MIPOL1: variants seen among roughly 807,000 people sequenced by gnomAD.
MIPOL1 encodes the protein mirror-image polydactyly 1.
In MIPOL1, 57 loss-of-function variants were observed where a neutral mutation model predicts 60.9. The observed-to-expected ratio is 0.94, with a 90% CI of 0.76 to 1.17. The LOEUF (loss-of-function observed/expected upper bound fraction) is 1.17. Ranked by LOEUF, MIPOL1 falls within the 50% of genes most tolerant of loss-of-function variation. MIPOL1 has a pLI of 0.00. For synonymous variants in MIPOL1, 179 were observed against 168.8 expected (o/e 1.06, Z -0.47); for missense variants, 551 against 511.6 (o/e 1.08, Z -0.74).
chr14:37,449,869 G>A (rs1040699424), intron 11 of MIPOL1, among the ~76,000 whole-genome samples: 1 of 152,016 alleles, frequency 6.6e-6, no homozygotes, highest in East Asian at 1.9e-4. Flanking sequence ...CTGGAGTGCA[G>A]TGGTACTGTC....
At chr14:37,515,686 A>G (rs926244175) in intron 12 of MIPOL1, among the ~76,000 whole-genome samples, 2 of 152,204 alleles carry the variant, frequency 1.3e-5, no homozygotes, top group East Asian at 1.9e-4. Flanking sequence ...TGTATTTCAC[A>G]TAACGTCCAA....
At chr14:37,317,277 T>C (rs2088015274) in intron 9 of MIPOL1, among the ~76,000 whole-genome samples, 1 of 152,214 alleles carries the variant, frequency 6.6e-6, no homozygotes, top group African/African-American at 2.4e-5. Flanking sequence ...GTGGAGACAG[T>C]TTGAAATCAT....
At chr14:37,355,948 G>A (rs2153478030) in intron 9 of MIPOL1, among the ~76,000 whole-genome samples, 1 of 146,138 alleles carries the variant, frequency 6.8e-6, no homozygotes, top group Admixed American at 6.9e-5. Flanking sequence ...CGTTGCTGGT[G>A]AGGAACTGTG....
At chr14:37,309,219 C>T (rs1358495735) in intron 9 of MIPOL1, among the ~76,000 whole-genome samples, 2 of 151,930 alleles carry the variant, frequency 1.3e-5, no homozygotes, top group African/African-American at 2.4e-5. Flanking sequence ...CCTCCTCCCT[C>T]GACCTCCCAA....
chr14:37,358,901 C>A (rs138692454), intron 9 of MIPOL1, among the ~76,000 whole-genome samples: 1 of 152,244 alleles, frequency 6.6e-6, no homozygotes, highest in East Asian at 1.9e-4. Context: ...GTCATGACGT[C>A]CTTGCCCATG....
Position 37,270,456 on chromosome 14 carries a change from AG to A in MIPOL1, c.425del (p.Arg142LysfsTer3). ...ATTGGCTAAAGAAGATAAAGAACAG[AG>A]AAAACTAAAGTTTAAGCTGGAACTC... The part of the protein sequence containing the change: ...QKLAKEDKEQ[R>X]KLKFKLELQE... On this transcript the variant is annotated frameshift_variant, in exon 6 of 13. Transcript: ENST00000684589. LOFTEE classifies it high-confidence loss of function. 6.2e-7 allele frequency: 1 copy of A among 1,601,160 alleles called. No individual in the cohort carries two copies. The highest frequency in any genetic ancestry group is 8.5e-7 in the Non-Finnish European group (1 of 1,173,520).
intron 3 of MIPOL1, among the ~76,000 whole-genome samples, chr14:37,254,567 G>T (rs933646542): frequency 1.3e-5 from 2 of 151,786 alleles, no homozygotes; most frequent in African/African-American, 2.4e-5. Context: ...CCCAACCTCT[G>T]TCTCTGCCTA....
At chr14:37,269,322 T>G (rs2083110790) in intron 5 of MIPOL1, among the ~76,000 whole-genome samples, 1 of 152,180 alleles carries the variant, frequency 6.6e-6, no homozygotes, top group Non-Finnish European at 1.5e-5. Flanking sequence ...CTGACTCTTA[T>G]TCTAGTTATA....
chr14:37,520,926 CTTT>C (rs11299536), intron 12 of MIPOL1, among the ~76,000 whole-genome samples: 12 of 47,718 alleles, frequency 2.5e-4, no homozygotes, highest in African/African-American at 4.1e-4. Flanking sequence ...TAACATTTTA[CTTT>C]TTTTTTTTTT....
chr14:37,254,822 G>C (rs1974665022), intron 3 of MIPOL1, among the ~76,000 whole-genome samples: 1 of 151,650 alleles, frequency 6.6e-6, no homozygotes, highest in Non-Finnish European at 1.5e-5. Context: ...ATGAAAAATG[G>C]TAAATTTCCC....
intron 10 of MIPOL1, among the ~76,000 whole-genome samples, chr14:37,410,961 A>G (rs1595656972): frequency 6.6e-6 from 1 of 152,290 alleles, no homozygotes; most frequent in East Asian, 1.9e-4. Flanking sequence ...AAGATGATAG[A>G]TTTAAAGACA....
At chr14:37,237,067 G>C (rs1482449575) in intron 1 of MIPOL1, among the ~76,000 whole-genome samples, 1 of 151,986 alleles carries the variant, frequency 6.6e-6, no homozygotes, top group Non-Finnish European at 1.5e-5. Flanking sequence ...TCTTGCTCCA[G>C]CTTCTCTTTC....
rs555232288 is a variant in MIPOL1 at position 37,348,142 on chromosome 14, T to A, written c.829-21375T>A. Among the ~76,000 whole-genome samples, 5 of 152,306 alleles carry A rather than the reference T, an allele frequency of 3.3e-5. No homozygotes were observed. The South Asian group carries it at 1.0e-3, about 32-fold the overall frequency. ...CATGCATACCCAATGTTTAGCCCCC[T>A]ACTGATAAGTGAGAATATGTGGTAT... On this transcript the variant is annotated intron_variant, in intron 9 of 12. Transcript: ENST00000684589.
At chr14:37,231,855 G>A (rs1177949494) in intron 1 of MIPOL1, among the ~76,000 whole-genome samples, 1 of 152,128 alleles carries the variant, frequency 6.6e-6, no homozygotes, top group Admixed American at 6.5e-5. Context: ...TGAGGTGGGA[G>A]CCTCGTTTGA....
Position 37,426,570 on chromosome 14 carries a change from CATATAT to C in MIPOL1, c.1031+3641_1031+3646del, listed in dbSNP as rs68123796. Among the ~76,000 whole-genome samples the C allele has an allele frequency of 3.9e-3, 337 of 85,538 alleles. 5 individuals are homozygous for C. Among genetic ancestry groups the C allele is most frequent in the East Asian group, 0.034 (94 of 2,772 alleles). 56.1% of individuals were successfully genotyped at this position (85,538 alleles called of 152,430 possible). A position where few individuals can be genotyped will look rare whatever the true frequency, so the allele number is the denominator to read the frequency against. On this transcript the variant is annotated intron_variant, in intron 11 of 12. Coordinates refer to ENST00000684589, the MANE Select transcript of MIPOL1 (RefSeq NM_001388067.1). ...GAGTGAAACTCTGTCTCAAAATATA[CATATAT>C]ATATATATATATATATATACACACA...
chr14:37,223,605 C>A (rs559876712), intron 1 of MIPOL1, among the ~76,000 whole-genome samples: 3 of 151,970 alleles, frequency 2.0e-5, no homozygotes, highest in African/African-American at 7.2e-5. Context: ...TGGGTTCAAG[C>A]GATTTTCCTG....
intron 12 of MIPOL1, among the ~76,000 whole-genome samples, chr14:37,516,023 A>G (rs1278629463): frequency 6.6e-6 from 1 of 152,218 alleles, no homozygotes; most frequent in Non-Finnish European, 1.5e-5. Context: ...ATGCCTAATG[A>G]CTGGAAGAAT....
At chr14:37,299,728 T>G (rs1282317193) in intron 7 of MIPOL1, among the ~76,000 whole-genome samples, 2 of 152,138 alleles carry the variant, frequency 1.3e-5, no homozygotes, top group Non-Finnish European at 2.9e-5. Flanking sequence ...CATGATACTT[T>G]TGTCACGGGG....
intron 10 of MIPOL1, among the ~76,000 whole-genome samples, chr14:37,398,291 A>G (rs2153527512): frequency 6.6e-6 from 1 of 152,118 alleles, no homozygotes; most frequent in East Asian, 1.9e-4. Flanking sequence ...TCCTTTTCCC[A>G]CTTCCGCAGT....
Sources: gnomAD v4.1 joint callset for allele counts (sites outside exome capture counted in the v4.1 genomes callset) on GRCh38, gnomAD v4.1.1 for gene constraint, MANE v1.5 for transcripts, NCBI Gene and HGNC (gene_info 2026-07-23, HGNC 2026-07-21) for gene names.